The following CTIF variants were observed in gnomAD, a reference collection of about 807,000 sequenced individuals.
CTIF encodes cap binding complex dependent translation initiation factor.
Under a neutral mutation model 66.0 loss-of-function variants are expected in CTIF, and 21 were observed. The ratio of observed to expected loss-of-function variants is 0.32; its 90% CI spans 0.23 to 0.46. The LOEUF (loss-of-function observed/expected upper bound fraction) is 0.46. Among genes scored for constraint, CTIF ranks in the 20% least tolerant of loss-of-function variants. The pLI is 1.00. For missense variants in CTIF, 739 were observed against 812.7 expected, an observed-to-expected ratio of 0.91 and a Z score of 1.10; for synonymous variants, 345 against 326.4, an observed-to-expected ratio of 1.06 and a Z score of -0.62.
chr18:48,807,024 G>A (rs2068161121), intron 9 of CTIF, among the ~76,000 whole-genome samples: 1 of 152,158 alleles, frequency 6.6e-6, no homozygotes, highest in Non-Finnish European at 1.5e-5. Context: ...GAGGCCCCTT[G>A]CTGCTTTTGG....
chr18:48,604,878 T>C (rs915743354), intron 1 of CTIF, among the ~76,000 whole-genome samples: 1 of 152,224 alleles, frequency 6.6e-6, no homozygotes, highest in Admixed American at 6.5e-5. Flanking sequence ...TGAAATCTTA[T>C]GTGATCTTCT....
chr18:48,732,860 G>A (rs1399227621), intron 7 of CTIF, among the ~76,000 whole-genome samples: 2 of 152,204 alleles, frequency 1.3e-5, no homozygotes, highest in Non-Finnish European at 2.9e-5. Flanking sequence ...ACATGTCACT[G>A]ATGTGAGAGC....
At chr18:48,835,921 A>C (rs1242393034) in intron 10 of CTIF, among the ~76,000 whole-genome samples, 1 of 149,658 alleles carries the variant, frequency 6.7e-6, no homozygotes, top group Non-Finnish European at 1.5e-5. Context: ...TCATCCATCC[A>C]AAGGGGGCTC....
chr18:48,790,811 C>T (rs1200321643), intron 9 of CTIF, among the ~76,000 whole-genome samples: 2 of 152,188 alleles, frequency 1.3e-5, no homozygotes, highest in Non-Finnish European at 2.9e-5. Context: ...CAGAGAGGCA[C>T]GTCATAGGCC....
intron 1 of CTIF, among the ~76,000 whole-genome samples, chr18:48,593,334 A>G (rs374341672): frequency 2.7e-5 from 4 of 150,602 alleles, no homozygotes; most frequent in African/African-American, 9.8e-5. Context: ...TATCCTCATT[A>G]TTGTCATCAT....
chr18:48,544,363 G>T (rs1002680144), intron 1 of CTIF, among the ~76,000 whole-genome samples: 2 of 152,238 alleles, frequency 1.3e-5, no homozygotes, highest in African/African-American at 4.8e-5. Flanking sequence ...ATGGTTAGTG[G>T]CATGCCCAAG....
intron 1 of CTIF, among the ~76,000 whole-genome samples, chr18:48,553,299 G>T (rs2088932699): frequency 6.6e-6 from 1 of 152,304 alleles, no homozygotes; most frequent in East Asian, 1.9e-4. Context: ...ACAAAAACGT[G>T]GTTGCCTGCA....
intron 9 of CTIF, among the ~76,000 whole-genome samples, chr18:48,815,531 A>C (rs1018418663): frequency 6.6e-6 from 1 of 152,238 alleles, no homozygotes; most frequent in Admixed American, 6.5e-5. Context: ...CAAAATAGTT[A>C]TAGATACACA....
chr18:48,762,384 T>G (rs1204664570), intron 9 of CTIF, among the ~76,000 whole-genome samples: 1 of 152,248 alleles, frequency 6.6e-6, no homozygotes, highest in Admixed American at 6.5e-5. Context: ...AGCTTAGCAA[T>G]GTTTCATCTC....
At chr18:48,596,689 G>A (rs2089992405) in intron 1 of CTIF, among the ~76,000 whole-genome samples, 1 of 152,122 alleles carries the variant, frequency 6.6e-6, no homozygotes, top group Non-Finnish European at 1.5e-5. Context: ...TGTTAGCCAG[G>A]ATGGTCTCCA....
intron 10 of CTIF, among the ~76,000 whole-genome samples, chr18:48,829,151 A>C (rs917508550): frequency 4.6e-5 from 7 of 152,176 alleles, no homozygotes; most frequent in Admixed American, 6.5e-5. Context: ...GTACCTTGCC[A>C]GAGTTGTGGG....
chr18:48,724,308 G>A (rs1037057943), intron 7 of CTIF, among the ~76,000 whole-genome samples: 5 of 152,046 alleles, frequency 3.3e-5, no homozygotes, highest in South Asian at 2.1e-4. Flanking sequence ...CAACTGGTTC[G>A]CGCTCCCTGA....
chr18:48,669,795 A>G (rs7230030), intron 5 of CTIF, among the ~76,000 whole-genome samples: 41 of 33,794 alleles, frequency 1.2e-3, no homozygotes, highest in African/African-American at 6.4e-3. Flanking sequence ...CTAAACATTT[A>G]TATATATATA....
intron 1 of CTIF, among the ~76,000 whole-genome samples, chr18:48,579,953 A>C (rs16949519): frequency 0.15 from 23,035 of 152,244 alleles, 3,409 homozygotes; most frequent in African/African-American, 0.39. Flanking sequence ...TTAGATAATT[A>C]AATGAAGGAA....
intron 6 of CTIF, 145 bp from the exon 7 acceptor site, chr18:48,711,474 T>G (rs2092222654): frequency 1.6e-6 from 1 of 619,816 alleles, no homozygotes; most frequent in African/African-American, 1.8e-5. Flanking sequence ...CCTTTTTCAG[T>G]CTGGATTTGG....
intron 7 of CTIF, among the ~76,000 whole-genome samples, chr18:48,751,661 G>T (rs944966150): frequency 2.0e-5 from 3 of 152,218 alleles, no homozygotes; most frequent in Non-Finnish European, 4.4e-5. Context: ...AGTCTGGAGG[G>T]CTCGGGCAGG....
chr18:48,655,312 A>G lies in CTIF; in HGVS notation c.253-8440A>G, dbSNP rs796794284. 3.9e-3 allele frequency among the ~76,000 whole-genome samples: 592 copies of G among 150,370 alleles called. 5 individuals are homozygous for G. The highest frequency in any genetic ancestry group is 0.012 in the South Asian group (55 of 4,756). Reference sequence around the variant, plus strand: ...AGAGCAAGACTAAAAAAAAAAAAAAAAAAAAAAAGAAGAATAAAAAAAGCC... The same window carrying G: ...AGAGCAAGACTAAAAAAAAAAAAAAGAAAAAAAAGAAGAATAAAAAAAGCC... On this transcript the variant is annotated intron_variant, in intron 3 of 11. Transcript: ENST00000256413.
intron 9 of CTIF, among the ~76,000 whole-genome samples, chr18:48,785,481 C>T (rs1325081340): frequency 1.3e-5 from 2 of 152,194 alleles, no homozygotes; most frequent in African/African-American, 4.8e-5. Flanking sequence ...GTCAGGCATC[C>T]TACAGAAACC....
intron 1 of CTIF, among the ~76,000 whole-genome samples, chr18:48,606,981 G>T (rs905835104): frequency 1.6e-4 from 24 of 152,136 alleles, no homozygotes; most frequent in African/African-American, 5.8e-4. Context: ...TTATATATTT[G>T]GGGGGAGTCG....
Sources: allele counts gnomAD v4.1 joint callset (sites outside exome capture counted in the v4.1 genomes callset), GRCh38; gene constraint gnomAD v4.1.1; transcripts MANE v1.5; gene names NCBI Gene and HGNC (gene_info 2026-07-23, HGNC 2026-07-21).